Variants in PGBD2 observed in about 807,000 individuals in gnomAD.
PGBD2 encodes piggyBac transposable element-derived protein 2.
Under a neutral mutation model 8.1 loss-of-function variants are expected in PGBD2, and 6 were observed. The ratio of observed to expected loss-of-function variants is 0.74; its 90% confidence interval spans 0.40 to 1.46. PGBD2 has a LOEUF of 1.46. PGBD2 is among the 40% of genes most tolerant of loss of function. The pLI is 0.02. For missense variants in PGBD2, 802 were observed against 739.0 expected (o/e 1.09, Z -0.99); for synonymous variants, 318 against 272.2 (o/e 1.17, Z -1.66).
At chr1:248,877,220 T>A in the PGBD2 span, among the ~76,000 whole-genome samples, 1 of 152,190 alleles carries the variant, frequency 6.6e-6, no homozygotes, top group Non-Finnish European at 1.5e-5. Context: ...GTGGTTTTCA[T>A]GGTTGTGTCC....
upstream of PGBD2, among the ~76,000 whole-genome samples, chr1:248,902,686 A>G (rs1661556061): frequency 6.6e-6 from 1 of 152,222 alleles, no homozygotes; most frequent in Non-Finnish European, 1.5e-5. Flanking sequence ...TTGAGATCAT[A>G]TCTTTTTGCA....
At chr1:248,894,944 TA>T in the PGBD2 span, among the ~76,000 whole-genome samples, 6 of 152,076 alleles carry the variant, frequency 3.9e-5, no homozygotes, top group Non-Finnish European at 8.8e-5. Flanking sequence ...TCCAGGTGTG[TA>T]TGGCCTGCAT....
the PGBD2 span, among the ~76,000 whole-genome samples, chr1:248,895,738 A>G: frequency 6.6e-6 from 1 of 151,818 alleles, no homozygotes; most frequent in Non-Finnish European, 1.5e-5. Context: ...ACCAGGCTGG[A>G]GTGCAGTGGC....
the PGBD2 span, among the ~76,000 whole-genome samples, chr1:248,929,024 A>G: frequency 1.3e-5 from 2 of 152,220 alleles, no homozygotes; most frequent in Admixed American, 6.5e-5. Flanking sequence ...TTCAAATGCT[A>G]CTGTAGATTC....
At chr1:248,893,754 A>T in the PGBD2 span, among the ~76,000 whole-genome samples, 1 of 152,320 alleles carries the variant, frequency 6.6e-6, no homozygotes, top group East Asian at 1.9e-4. Context: ...CTACATACCC[A>T]CAAGTGTTAT....
upstream of PGBD2, chr1:248,906,160 C>T (rs2103099683): frequency 6.6e-6 from 1 of 151,970 alleles, no homozygotes; most frequent in South Asian, 2.1e-4. Flanking sequence ...TCGATGGTCG[C>T]TCGGGCCGGG....
At position 248,913,892 on chromosome 1, in the gene PGBD2, T is replaced by G. The variant is rs748084200; in HGVS notation, c.17+13T>G. 1 of 1,604,234 alleles carries G rather than the reference T, an allele frequency of 6.2e-7. No homozygotes were observed. Among genetic ancestry groups the G allele is most frequent in the Admixed American group, 1.7e-5 (1 of 59,974 alleles). ...CTTCAACATCCAGGTAGGAGTGCTG[T>G]TTGATCAAATGTTTTATTGAAGAAT... is the stretch of plus-strand genomic sequence containing the variant. On this transcript the variant is annotated intron_variant, in intron 2 of 2. Transcript: ENST00000329291.
chr1:248,916,278 G>A (rs1662094585), intron 2 of PGBD2, among the ~76,000 whole-genome samples: 1 of 151,940 alleles, frequency 6.6e-6, no homozygotes, highest in South Asian at 2.1e-4. Context: ...GCCGGGCATG[G>A]TGGCACGCAC....
Position 248,917,098 on chromosome 1 carries a change from T to A in PGBD2, c.514T>A (p.Leu172Met). ...NRYAWQKNVNLSLTAQELKCV... is the reference protein window; with the variant it reads ...NRYAWQKNVNMSLTAQELKCV... ...TTATGCTTGGCAGAAAAATGTCAAT[T>A]TGAGTCTTACGGCTCAGGAATTGAA... The change falls in exon 3 of 3, where the codon TTG (leucine) becomes ATG (methionine). Residue 172 changes from leucine (L) to methionine (M), a missense_variant. By Grantham distance (15) the Leu-to-Met change is conservative (BLOSUM62 2). Transcript: ENST00000329291. The A allele has an allele frequency of 6.2e-7, 1 of 1,613,998 alleles. No individual in the cohort carries two copies. Among genetic ancestry groups the A allele is most frequent in the Non-Finnish European group, 8.5e-7 (1 of 1,179,982 alleles).
chr1:248,928,699 G>GCA, the PGBD2 span, among the ~76,000 whole-genome samples: 1 of 152,196 alleles, frequency 6.6e-6, no homozygotes, highest in Admixed American at 6.5e-5. Context: ...TGGGTAATAA[G>GCA]CAGATTGGTA....
the PGBD2 span, among the ~76,000 whole-genome samples, chr1:248,929,846 G>A: frequency 1.3e-5 from 2 of 152,162 alleles, no homozygotes; most frequent in African/African-American, 4.8e-5. Flanking sequence ...AGAAATGCAC[G>A]TCTTTTTTCT....
chr1:248,874,905 GAT>G, the PGBD2 span, among the ~76,000 whole-genome samples: 10 of 15,884 alleles, frequency 6.3e-4, no homozygotes, highest in East Asian at 0.011. Context: ...GGTAGATAGA[GAT>G]AGATAGATAG....
chr1:248,907,478 C>T (rs186703540), intron 1 of PGBD2, among the ~76,000 whole-genome samples: 20 of 152,312 alleles, frequency 1.3e-4, no homozygotes, highest in Admixed American at 5.2e-4. Context: ...TCAGCACAGA[C>T]GGGTGTCGGG....
chr1:248,920,596 A>C (rs1453608595), downstream of PGBD2, among the ~76,000 whole-genome samples: 1 of 152,210 alleles, frequency 6.6e-6, no homozygotes, highest in African/African-American at 2.4e-5. Context: ...TAGTGCTGCA[A>C]TAAACATATG....
At chr1:248,894,705 T>C in the PGBD2 span, among the ~76,000 whole-genome samples, 1 of 139,996 alleles carries the variant, frequency 7.1e-6, no homozygotes. Context: ...CTCCCTCCTT[T>C]CTTTCTTGCT....
At chr1:248,908,115 C>G (rs1014385916) in intron 1 of PGBD2, among the ~76,000 whole-genome samples, 1 of 152,262 alleles carries the variant, frequency 6.6e-6, no homozygotes, top group East Asian at 1.9e-4. Context: ...AGGCCTTATT[C>G]GAATTTCTTT....
At chr1:248,916,445 C>G (rs1173045838) in intron 2 of PGBD2, among the ~76,000 whole-genome samples, 157 bp from the exon 3 acceptor site, 1 of 152,110 alleles carries the variant, frequency 6.6e-6, no homozygotes, top group Non-Finnish European at 1.5e-5. Context: ...CTGTGTTTAG[C>G]TGGAAAATTT....
chr1:248,908,780 C>T (rs755463978), intron 1 of PGBD2, among the ~76,000 whole-genome samples: 1 of 151,920 alleles, frequency 6.6e-6, no homozygotes, highest in Non-Finnish European at 1.5e-5. Context: ...CCTCTTGTAC[C>T]CTGTCCCGCA....
At chr1:248,886,229 C>G in the PGBD2 span, among the ~76,000 whole-genome samples, 1 of 151,334 alleles carries the variant, frequency 6.6e-6, no homozygotes, top group African/African-American at 2.4e-5. Flanking sequence ...ACCATAAAGA[C>G]AAAAAAATAA....
Sources: allele counts gnomAD v4.1 joint callset (sites outside exome capture counted in the v4.1 genomes callset), GRCh38; gene constraint gnomAD v4.1.1; transcripts MANE v1.5; gene names NCBI Gene and HGNC (gene_info 2026-07-23, HGNC 2026-07-21).